Variants in TUSC3 observed in about 807,000 individuals in gnomAD.
The protein encoded by TUSC3 is dolichyl-diphosphooligosaccharide--protein glycosyltransferase subunit TUSC3.
In TUSC3, 45 loss-of-function variants were observed where a neutral mutation model predicts 44.8. The ratio of observed to expected loss-of-function variants is 1.00; its 90% confidence interval spans 0.79 to 1.29. The LOEUF is 1.29. Among genes scored for constraint, TUSC3 ranks in the 50% most tolerant of loss-of-function variants. The pLI is 0.00. For synonymous variants in TUSC3, 212 were observed against 152.9 expected (o/e 1.39, Z -2.85); for missense variants, 519 against 437.9 (o/e 1.19, Z -1.65).
intron 1 of TUSC3, among the ~76,000 whole-genome samples, chr8:15,601,034 C>T (rs933343133): frequency 6.6e-6 from 1 of 151,476 alleles, no homozygotes; most frequent in Non-Finnish European, 1.5e-5. Flanking sequence ...ACAAGTAATT[C>T]AGAGTGCAAG....
chr8:15,429,011 T>C (rs1158084479), intron 1 of TUSC3, among the ~76,000 whole-genome samples: 2 of 152,224 alleles, frequency 1.3e-5, no homozygotes, highest in African/African-American at 4.8e-5. Context: ...TCTGTTGCCA[T>C]TGCTTTGGTG....
At chr8:15,598,509 G>T (rs1321906324) in intron 1 of TUSC3, among the ~76,000 whole-genome samples, 1 of 151,694 alleles carries the variant, frequency 6.6e-6, no homozygotes, top group African/African-American at 2.4e-5. Flanking sequence ...TTCATTCTTG[G>T]TGTTGTATAT....
At chr8:15,483,718 C>T (rs1039864887) in intron 2 of TUSC3, among the ~76,000 whole-genome samples, 8 of 137,328 alleles carry the variant, frequency 5.8e-5, no homozygotes, top group African/African-American at 1.3e-4. Flanking sequence ...TGCAGTGGTG[C>T]CATCTCGGCT....
At position 15,692,365 on chromosome 8, in the gene TUSC3, C is replaced by G. The variant is rs868836312; in HGVS notation, c.798+18529C>G. ...AATGAGTTTGGGAGGAGACCCCCCCCCCCCCCTTTGTTTTTTTTTTTTTTT... is the reference window on the plus strand; with the variant it reads ...AATGAGTTTGGGAGGAGACCCCCCCGCCCCCCTTTGTTTTTTTTTTTTTTT... On this transcript the variant is annotated intron_variant, in intron 6 of 10. Transcript: ENST00000503731. 7.8e-3 allele frequency among the ~76,000 whole-genome samples: 1,007 copies of G among 129,548 alleles called. 22 individuals carry two copies. Among genetic ancestry groups the G allele is most frequent in the African/African-American group, 0.027 (939 of 34,994 alleles). The allele number at this position is 129,548 out of a possible 152,430, so 85.0% of individuals were successfully genotyped here. A position where few individuals can be genotyped will look rare whatever the true frequency, so the allele number is the denominator to read the frequency against.
At chr8:15,838,741 G>A in the TUSC3 span, among the ~76,000 whole-genome samples, 2 of 152,140 alleles carry the variant, frequency 1.3e-5, no homozygotes, top group Non-Finnish European at 2.9e-5. Flanking sequence ...CCAGTACCAT[G>A]CTGTTTTGTT....
chr8:15,614,503 A>G (rs1188934168), intron 1 of TUSC3, among the ~76,000 whole-genome samples: 2 of 152,038 alleles, frequency 1.3e-5, no homozygotes, highest in Non-Finnish European at 2.9e-5. Flanking sequence ...GTCTTTATAA[A>G]TTTGCCTTTC....
chr8:15,749,893 C>T (rs1811618996), intron 9 of TUSC3, among the ~76,000 whole-genome samples: 1 of 145,250 alleles, frequency 6.9e-6, no homozygotes, highest in Non-Finnish European at 1.5e-5. Context: ...GAAAATTAAT[C>T]CATTTTCATC....
At chr8:15,535,302 C>G (rs1007523654), upstream of TUSC3, among the ~76,000 whole-genome samples, 1 of 152,150 alleles carries the variant, frequency 6.6e-6, no homozygotes, top group African/African-American at 2.4e-5. Flanking sequence ...AGTCGTAAAT[C>G]TCTTTCAAGA....
chr8:15,828,613 G>C, the TUSC3 span, among the ~76,000 whole-genome samples: 4 of 152,094 alleles, frequency 2.6e-5, no homozygotes, highest in African/African-American at 7.2e-5. Context: ...TATTGCTTTT[G>C]GATCAAGAAA....
chr8:15,806,994 T>C, the TUSC3 span: 3 of 1,460,212 alleles, frequency 2.1e-6, no homozygotes, highest in African/African-American at 2.8e-5. Context: ...TTCCATTCTT[T>C]ACATTTTCCA....
chr8:15,536,538 C>T (rs528484448), upstream of TUSC3, among the ~76,000 whole-genome samples: 15 of 151,484 alleles, frequency 9.9e-5, no homozygotes, highest in South Asian at 2.1e-4. Context: ...AAAAATTAGC[C>T]GGGCGTGGTG....
chr8:15,758,724 A>G (rs1209123263), intron 10 of TUSC3, among the ~76,000 whole-genome samples: 1 of 151,824 alleles, frequency 6.6e-6, no homozygotes, highest in African/African-American at 2.4e-5. Flanking sequence ...TTCTCCCCCC[A>G]GATTGACTAT....
chr8:15,748,267 A>G, intron 8 of TUSC3, 108 bp from the exon 9 acceptor site: 3 of 842,752 alleles, frequency 3.6e-6, no homozygotes, highest in Non-Finnish European at 6.2e-6. Flanking sequence ...ATGTACCATG[A>G]ACTGTTAAAT....
At chr8:15,517,949 A>ATACATG (rs1362094856) in intron 2 of TUSC3, among the ~76,000 whole-genome samples, 8 of 151,074 alleles carry the variant, frequency 5.3e-5, no homozygotes, top group Admixed American at 4.0e-4. Context: ...AACTATTTAC[A>ATACATG]TTTGAAAACA....
intron 6 of TUSC3, among the ~76,000 whole-genome samples, chr8:15,682,186 T>C (rs915600068): frequency 7.2e-5 from 11 of 152,160 alleles, no homozygotes; most frequent in African/African-American, 1.4e-4. Flanking sequence ...GTCCATTGCA[T>C]TGAATTTAAG....
chr8:15,778,482 T>C, the TUSC3 span, among the ~76,000 whole-genome samples: 2 of 152,164 alleles, frequency 1.3e-5, no homozygotes, highest in African/African-American at 4.8e-5. Context: ...ATTTTTTTTT[T>C]AATACAAGCA....
intron 1 of TUSC3, among the ~76,000 whole-genome samples, chr8:15,600,729 C>T (rs1249871835): frequency 6.6e-6 from 1 of 151,572 alleles, no homozygotes; most frequent in Non-Finnish European, 1.5e-5. Context: ...TCTCTTCTTG[C>T]ACCCTCTCAA....
intron 1 of TUSC3, among the ~76,000 whole-genome samples, chr8:15,572,309 C>T (rs1036671966): frequency 6.6e-6 from 1 of 152,146 alleles, no homozygotes; most frequent in Non-Finnish European, 1.5e-5. Context: ...TTTCTTTAAA[C>T]CTCATGAACC....
rs551432863 is a variant in TUSC3 at position 15,552,668 on chromosome 8, A to C, written c.138+12100A>C. Among the ~76,000 whole-genome samples the C allele has an allele frequency of 1.1e-4, 17 of 151,776 alleles. 2 individuals carry two copies. In the South Asian group the frequency reaches 2.9e-3, roughly 26 times the overall value. Reference sequence around the variant, plus strand: ...CACAGGGTGGGGGAATAGTGGATTGAGGCCAGAGTGGAAGTGAGGATCAAA... The same window carrying C: ...CACAGGGTGGGGGAATAGTGGATTGCGGCCAGAGTGGAAGTGAGGATCAAA... On this transcript the variant is annotated intron_variant, in intron 1 of 10. Transcript: ENST00000503731.
Sources: allele counts gnomAD v4.1 joint callset (sites outside exome capture counted in the v4.1 genomes callset), GRCh38; gene constraint gnomAD v4.1.1; transcripts MANE v1.5; gene names NCBI Gene and HGNC (gene_info 2026-07-23, HGNC 2026-07-21).